Variants in GRIK3 observed in about 807,000 individuals in gnomAD.
GRIK3 encodes the protein glutamate ionotropic receptor kainate type subunit 3.
GRIK3 carries 29 observed loss-of-function variants against 102.5 expected under a neutral mutation model. That is an observed-to-expected ratio of 0.28 (90% CI 0.21 to 0.39). The LOEUF (loss-of-function observed/expected upper bound fraction) is 0.39. Ranked by LOEUF, GRIK3 falls within the 10% of genes least tolerant of loss-of-function variation. The pLI is 1.00. For synonymous variants in GRIK3, 511 were observed against 504.9 expected (o/e 1.01, Z -0.16); for missense variants, 908 against 1,252.4 (o/e 0.73, Z 4.15).
At chr1:36,922,696 T>C (rs1641487351) in intron 1 of GRIK3, among the ~76,000 whole-genome samples, 1 of 152,164 alleles carries the variant, frequency 6.6e-6, no homozygotes, top group Non-Finnish European at 1.5e-5. Context: ...TCACGTAGAC[T>C]TTCTCCCTGA....
intron 1 of GRIK3, among the ~76,000 whole-genome samples, chr1:37,010,886 C>T (rs369622489): frequency 7.9e-5 from 12 of 152,160 alleles, no homozygotes; most frequent in East Asian, 7.7e-4. Context: ...GGACTACAGG[C>T]GCCCACCACC....
At chr1:36,906,307 T>C (rs1454886393) in intron 1 of GRIK3, among the ~76,000 whole-genome samples, 2 of 152,168 alleles carry the variant, frequency 1.3e-5, no homozygotes, top group East Asian at 3.9e-4. Flanking sequence ...TGGAGGAAGT[T>C]ACTCAGACTC....
chr1:36,870,676 A>G (rs1176355793), intron 4 of GRIK3, among the ~76,000 whole-genome samples: 1 of 152,184 alleles, frequency 6.6e-6, no homozygotes, highest in African/African-American at 2.4e-5. Context: ...TTCATTTCTA[A>G]TTCCAGAAGT....
chr1:36,936,072 A>AG (rs1641654343), intron 1 of GRIK3, among the ~76,000 whole-genome samples: 1 of 152,212 alleles, frequency 6.6e-6, no homozygotes, highest in Non-Finnish European at 1.5e-5. Flanking sequence ...TTTTGGCCAC[A>AG]GGGGGAGATA....
At chr1:37,004,369 GGTAGGGAATT>G in intron 1 of GRIK3, among the ~76,000 whole-genome samples, 2 of 152,342 alleles carry the variant, frequency 1.3e-5, no homozygotes, top group Admixed American at 1.3e-4. Flanking sequence ...CACACAAAGA[GGTAGGGAATT>G]GTTACTGCAA....
chr1:36,898,085 C>A (rs185624418), intron 1 of GRIK3, among the ~76,000 whole-genome samples: 1 of 150,908 alleles, frequency 6.6e-6, no homozygotes, highest in South Asian at 2.1e-4. Flanking sequence ...CAATTGAAAT[C>A]ATGGAGATAG....
chr1:36,938,768 TG>T (rs1338241275), intron 1 of GRIK3, among the ~76,000 whole-genome samples: 8 of 152,154 alleles, frequency 5.3e-5, no homozygotes. Context: ...CAGTGACTGT[TG>T]GGGGGTTGAC....
chr1:36,838,176 A>C (rs1263701561), intron 10 of GRIK3, among the ~76,000 whole-genome samples: 1 of 152,206 alleles, frequency 6.6e-6, no homozygotes, highest in African/African-American at 2.4e-5. Context: ...ATCTCATTAA[A>C]TCTTCCTACC....
At chr1:36,925,717 C>A (rs1641519521) in intron 1 of GRIK3, among the ~76,000 whole-genome samples, 2 of 152,242 alleles carry the variant, frequency 1.3e-5, no homozygotes, top group Non-Finnish European at 2.9e-5. Context: ...GCTCTGAGGT[C>A]CAGATTTCTC....
At chr1:36,960,876 G>A (rs1201026353) in intron 1 of GRIK3, among the ~76,000 whole-genome samples, 1 of 152,200 alleles carries the variant, frequency 6.6e-6, no homozygotes, top group Admixed American at 6.5e-5. Context: ...CCTAGGACAA[G>A]CTGGGGAGAT....
At chr1:36,820,826 A>G (rs752070584) in intron 11 of GRIK3, among the ~76,000 whole-genome samples, 37 of 152,204 alleles carry the variant, frequency 2.4e-4, no homozygotes, top group Non-Finnish European at 4.0e-4. Flanking sequence ...GGAAAAAATG[A>G]TTACTTAAAG....
chr1:36,835,935 C>T (rs1028518215), intron 10 of GRIK3, among the ~76,000 whole-genome samples: 1 of 152,174 alleles, frequency 6.6e-6, no homozygotes, highest in Non-Finnish European at 1.5e-5. Context: ...TCCCTGGTCT[C>T]CCCAGACAGA....
intron 2 of GRIK3, among the ~76,000 whole-genome samples, chr1:36,889,018 C>T (rs1226230183): frequency 6.6e-6 from 1 of 152,072 alleles, no homozygotes; most frequent in African/African-American, 2.4e-5. Flanking sequence ...TGATTTTGTG[C>T]CTCCTGCGTG....
intron 1 of GRIK3, among the ~76,000 whole-genome samples, chr1:36,897,720 G>C (rs975227205): frequency 2.0e-5 from 3 of 152,158 alleles, no homozygotes; most frequent in African/African-American, 7.2e-5. Context: ...AACCACCTTG[G>C]AGAACAGTTT....
chr1:36,876,656 C>A (rs500468), intron 3 of GRIK3, among the ~76,000 whole-genome samples: 5,223 of 152,270 alleles, frequency 0.034, 247 homozygotes, highest in African/African-American at 0.11. Context: ...GCAAACACAG[C>A]CAAAGCCCAC....
intron 7 of GRIK3, 97 bp downstream of exon 7, chr1:36,859,011 T>G: frequency 2.2e-3 from 2,394 of 1,088,900 alleles, no homozygotes; most frequent in Middle Eastern, 3.4e-3. Context: ...GTCACATGGA[T>G]GAGAATCAAT....
intron 9 of GRIK3, among the ~76,000 whole-genome samples, chr1:36,843,497 G>A (rs1424875615): frequency 2.0e-5 from 3 of 152,160 alleles, no homozygotes; most frequent in Non-Finnish European, 2.9e-5. Flanking sequence ...AATCACACAG[G>A]AACTGAACTA....
intron 1 of GRIK3, among the ~76,000 whole-genome samples, chr1:36,971,632 A>G (rs1186448837): frequency 2.0e-5 from 3 of 152,138 alleles, no homozygotes; most frequent in Non-Finnish European, 4.4e-5. Context: ...TGGATATCAG[A>G]AGCCTCTTAG....
chr1:36,870,439 T>C lies in GRIK3; in HGVS notation c.733-638A>G, dbSNP rs149634833. Among the ~76,000 whole-genome samples, 68 of 152,372 alleles carry C rather than the reference T, an allele frequency of 4.5e-4. 1 individual carries two copies. The East Asian group carries it at 0.011, about 25-fold the overall frequency. On this transcript the variant is annotated intron_variant, in intron 4 of 15. Transcript: ENST00000373091. ...TTTATTAGAAGCCTATAATCTATTA[T>C]ACTAATGACTATAATGCATTTTCTA...
Sources: allele counts gnomAD v4.1 joint callset (sites outside exome capture counted in the v4.1 genomes callset), GRCh38; gene constraint gnomAD v4.1.1; transcripts MANE v1.5; gene names NCBI Gene and HGNC (gene_info 2026-07-23, HGNC 2026-07-21).